Variants in DOCK5 observed in about 807,000 individuals in gnomAD.
DOCK5 encodes the protein dedicator of cytokinesis protein 5.
Under a neutral mutation model 251.8 loss-of-function variants are expected in DOCK5, and 142 were observed. The observed-to-expected ratio is 0.56, with a 90% CI of 0.49 to 0.65. DOCK5 has a LOEUF of 0.65. Among genes scored for constraint, DOCK5 ranks in the 30% least tolerant of loss-of-function variants. DOCK5 has a pLI of 0.00. For missense variants in DOCK5, 2,111 were observed against 2,312.3 expected (o/e 0.91, Z 1.79); for synonymous variants, 842 against 835.5 (o/e 1.01, Z -0.13).
chr8:25,385,277 G>C (rs974567971), intron 40 of DOCK5, among the ~76,000 whole-genome samples: 2 of 152,324 alleles, frequency 1.3e-5, no homozygotes, highest in South Asian at 2.1e-4. Flanking sequence ...CATCCATGGA[G>C]AATGGATGGG....
At chr8:25,351,532 TA>T (rs1473109598) in intron 26 of DOCK5, 198 bp from the exon 27 acceptor site, 16 of 550,422 alleles carry the variant, frequency 2.9e-5, no homozygotes, top group Non-Finnish European at 5.2e-5. Flanking sequence ...TTTTAAGTGT[TA>T]TGACTGATCA....
At chr8:25,300,865 A>G (rs75164158) in intron 9 of DOCK5, among the ~76,000 whole-genome samples, 2 of 15,140 alleles carry the variant, frequency 1.3e-4, no homozygotes, top group Admixed American at 6.0e-4. Context: ...AAAATCGGGG[A>G]AAAAAAAGCA....
At chr8:25,287,432 A>T (rs1445056148) in intron 5 of DOCK5, among the ~76,000 whole-genome samples, 1 of 152,160 alleles carries the variant, frequency 6.6e-6, no homozygotes, top group Non-Finnish European at 1.5e-5. Flanking sequence ...TTAAAAAAAA[A>T]AGTTATAAAT....
intron 18 of DOCK5, among the ~76,000 whole-genome samples, chr8:25,328,615 G>A (rs541877311): frequency 2.6e-5 from 4 of 152,288 alleles, no homozygotes; most frequent in Non-Finnish European, 4.4e-5. Context: ...TTTCTCCTTC[G>A]CCTGAGGAGA....
At chr8:25,264,957 A>T (rs1803698466) in intron 2 of DOCK5, among the ~76,000 whole-genome samples, 1 of 152,018 alleles carries the variant, frequency 6.6e-6, no homozygotes, top group Admixed American at 6.5e-5. Flanking sequence ...CTGATAATTA[A>T]TCTTGGCTAC....
At chr8:25,205,670 C>T (rs188523237) in intron 1 of DOCK5, among the ~76,000 whole-genome samples, 198 of 152,300 alleles carry the variant, frequency 1.3e-3, no homozygotes, top group African/African-American at 4.6e-3. Flanking sequence ...CCTGCTGTTG[C>T]TGATTCAGTT....
rs536311516 is a variant in DOCK5 at position 25,365,881 on chromosome 8, T to C, written c.3124-989T>C. On this transcript the variant is annotated intron_variant, in intron 30 of 51. Coordinates refer to ENST00000276440, the MANE Select transcript of DOCK5 (RefSeq NM_024940.8). ...TGAAAATCATAAGTAGAGGAAAGTA[T>C]ACACACATACACACACAGAGATGCA... Among the ~76,000 whole-genome samples the C allele has an allele frequency of 3.0e-4, 46 of 152,332 alleles. 1 individual carries two copies. In the South Asian group the frequency reaches 9.5e-3, roughly 32 times the overall value.
At chr8:25,359,194 G>T (rs1800632738) in intron 28 of DOCK5, 133 bp downstream of exon 28, 1 of 733,572 alleles carries the variant, frequency 1.4e-6, no homozygotes. Context: ...TGTCCACAGT[G>T]ATTACAGAAA....
chr8:25,307,978 T>C (rs972663424), intron 11 of DOCK5, among the ~76,000 whole-genome samples: 1 of 152,224 alleles, frequency 6.6e-6, no homozygotes, highest in Non-Finnish European at 1.5e-5. Flanking sequence ...CTCAAGACTA[T>C]AGCAATCCCA....
intron 48 of DOCK5, among the ~76,000 whole-genome samples, chr8:25,406,915 C>T (rs1206113460): frequency 3.3e-5 from 5 of 152,022 alleles, no homozygotes; most frequent in South Asian, 2.1e-4. Context: ...CGTGAGCCAC[C>T]GTGCCTGGCT....
intron 45 of DOCK5, among the ~76,000 whole-genome samples, chr8:25,396,673 G>T (rs80007139): frequency 1.3e-5 from 2 of 151,974 alleles, no homozygotes; most frequent in South Asian, 4.1e-4. Context: ...TGTCAAGGAC[G>T]CCCCTGTGGA....
At chr8:25,334,654 G>T (rs1805758875) in intron 21 of DOCK5, among the ~76,000 whole-genome samples, 2 of 151,874 alleles carry the variant, frequency 1.3e-5, no homozygotes, top group African/African-American at 4.8e-5. Flanking sequence ...CAAGGCTGCA[G>T]TGAGCTGTGA....
At chr8:25,366,997 G>T (rs77675545) in intron 31 of DOCK5, 27 bp downstream of exon 31, 108,649 of 1,578,676 alleles carry the variant, frequency 0.069, 4,268 homozygotes, top group South Asian at 0.13. Context: ...AGTTAAGATC[G>T]GGAAGGGGCT....
intron 5 of DOCK5, among the ~76,000 whole-genome samples, chr8:25,281,536 A>G (rs1804193872): frequency 6.6e-6 from 1 of 151,248 alleles, no homozygotes; most frequent in Admixed American, 6.6e-5. Flanking sequence ...GGTCTTGTTG[A>G]ACATTTCCTT....
At chr8:25,203,428 T>G (rs77583454) in intron 1 of DOCK5, among the ~76,000 whole-genome samples, 3,899 of 152,326 alleles carry the variant, frequency 0.026, 152 homozygotes, top group African/African-American at 0.089. Context: ...AGAAATAGTT[T>G]GAGGCTACAG....
chr8:25,330,753 A>G (rs559248449), intron 18 of DOCK5, among the ~76,000 whole-genome samples: 4 of 152,272 alleles, frequency 2.6e-5, no homozygotes, highest in African/African-American at 9.6e-5. Flanking sequence ...TATTTCTACA[A>G]ATTCATTGAT....
intron 27 of DOCK5, among the ~76,000 whole-genome samples, chr8:25,352,630 A>G (rs1018689284): frequency 3.3e-5 from 5 of 152,222 alleles, no homozygotes; most frequent in African/African-American, 9.6e-5. Flanking sequence ...TCAAATTCCT[A>G]TCAGATAAGA....
intron 1 of DOCK5, among the ~76,000 whole-genome samples, chr8:25,231,432 G>A (rs761085539): frequency 5.9e-5 from 9 of 152,148 alleles, no homozygotes; most frequent in Non-Finnish European, 1.2e-4. Flanking sequence ...CTTGCACTTC[G>A]TGGGAAGAAA....
chr8:25,292,093 A>G lies in DOCK5; in HGVS notation c.391A>G (p.Ile131Val). The G allele has an allele frequency of 6.3e-7, 1 of 1,594,092 alleles. No individual in the cohort carries two copies. Among genetic ancestry groups the G allele is most frequent in the African/African-American group, 1.3e-5 (1 of 74,640 alleles). The change falls in exon 6 of 52, where the codon ATC becomes GTC. Residue 131 changes from isoleucine to valine, a missense_variant. By Grantham distance (29) the Ile-to-Val change is conservative. Around this residue, in one of 3 missense-constraint regions of DOCK5, gnomAD observed 335 missense variants for 324.9 expected, o/e 1.03. Coordinates refer to ENST00000276440, the MANE Select transcript of DOCK5 (RefSeq NM_024940.8). ...TYSLIEWRSQILSGTLPKDEL... is the reference protein window; with the variant it reads ...TYSLIEWRSQVLSGTLPKDEL... ...CAGCCTGATCGAGTGGCGGTCCCAG[A>G]TCCTGTCTGGGACGCTCCCCAAGGA...
Sources: gnomAD v4.1 joint callset for allele counts (sites outside exome capture counted in the v4.1 genomes callset) on GRCh38, gnomAD v4.1.1 for gene constraint, gnomAD v4.1.1 regional missense constraint, MANE v1.5 for transcripts, NCBI Gene and HGNC (gene_info 2026-07-23, HGNC 2026-07-21) for gene names.